Variants in GZF1 observed in about 807,000 individuals in gnomAD.
GZF1 encodes the protein GDNF-inducible zinc finger protein 1.
Under a neutral mutation model 49.4 loss-of-function variants are expected in GZF1, and 28 were observed. That is an observed-to-expected ratio of 0.57 (90% CI 0.42 to 0.78). The LOEUF (loss-of-function observed/expected upper bound fraction) is 0.78, where lower values mean the gene tolerates loss of function less well. Among genes scored for constraint, GZF1 ranks in the 30% least tolerant of loss-of-function variants. The pLI, the probability that GZF1 is intolerant of heterozygous loss-of-function variation, is 0.00. For missense variants in GZF1, 798 were observed against 916.2 expected, an observed-to-expected ratio of 0.87 and a Z score of 1.67; for synonymous variants, 364 against 356.0, an observed-to-expected ratio of 1.02 and a Z score of -0.25.
intron 1 of GZF1, 131 bp from the exon 2 acceptor site, chr20:23,364,232 C>A (rs187795545): frequency 1.9e-6 from 1 of 535,338 alleles, no homozygotes; most frequent in Non-Finnish European, 3.2e-6. Context: ...AAATGTCATT[C>A]GAATCTTTAC....
chr20:23,362,131 C>T (rs1037602808), upstream of GZF1: 1 of 152,138 alleles, frequency 6.6e-6, no homozygotes, highest in Non-Finnish European at 1.5e-5. Context: ...CTGCAGCGAC[C>T]AATCGGCGGT....
intron 1 of GZF1, among the ~76,000 whole-genome samples, chr20:23,363,699 C>T (rs1980958195): frequency 6.6e-6 from 1 of 152,226 alleles, no homozygotes; most frequent in East Asian, 1.9e-4. Flanking sequence ...GCCGGTCAGC[C>T]TTCTTCAGAG....
At chr20:23,362,038 C>G (rs571817547), upstream of GZF1, 1 of 152,228 alleles carries the variant, frequency 6.6e-6, no homozygotes, top group Non-Finnish European at 1.5e-5. Context: ...GGTAACTGCC[C>G]GAACCGCTCC....
rs1981831333 is a variant in GZF1, at chr20:23,369,640, C to T, written c.1684C>T (p.Leu562Phe). Residue 562 changes from leucine to phenylalanine, a missense_variant, in exon 5 of 6, where the codon CTC (leucine) becomes TTC (phenylalanine). Coordinates refer to ENST00000338121, the MANE Select transcript of GZF1 (RefSeq NM_022482.5). ...CAAGCAGTTCACCCAGCTCAACGCC[C>T]TCCAGCGCCACCGCCGCATCCACAC... is the stretch of plus-strand genomic sequence containing the variant. Reference protein sequence around the residue: ...CGKQFTQLNALQRHRRIHTGE... With the variant: ...CGKQFTQLNAFQRHRRIHTGE... 2 of 1,613,140 alleles carry T rather than the reference C, an allele frequency of 1.2e-6. No individual in the cohort carries two copies. Among genetic ancestry groups the T allele is most frequent in the Non-Finnish European group, 1.7e-6 (2 of 1,179,720 alleles).
At position 23,364,531 on chromosome 20, in the gene GZF1, A is replaced by G; in HGVS notation, c.148A>G (p.Lys50Glu). The change falls in exon 2 of 6, where the codon AAG becomes GAG. Residue 50 changes from lysine (K) to glutamate (E), a missense_variant. By Grantham distance (56) the Lys-to-Glu change is moderately conservative. Coordinates refer to ENST00000338121, the MANE Select transcript of GZF1 (RefSeq NM_022482.5). The stretch of plus-strand genomic sequence containing the variant: ...TGTCCGCAAAGACTTCATGGCCCAC[A>G]AGGCAGTGCTGGCTGCCACCAGCAA... ...QGVRKDFMAH[K>E]AVLAATSKFF... 6.2e-7 allele frequency: 1 copy of G among 1,614,240 alleles called. No individual in the cohort carries two copies. The highest frequency in any genetic ancestry group is 8.5e-7 in the Non-Finnish European group (1 of 1,180,046).
upstream of GZF1, among the ~76,000 whole-genome samples, chr20:23,361,976 A>G (rs1980702153): frequency 6.6e-6 from 1 of 152,096 alleles, no homozygotes; most frequent in African/African-American, 2.4e-5. Flanking sequence ...GGGTGACGCA[A>G]TGCGGCGGGT....
At chr20:23,369,048 T>TTGTA in intron 4 of GZF1, 119 bp downstream of exon 4, 1 of 787,956 alleles carries the variant, frequency 1.3e-6, no homozygotes, top group Non-Finnish European at 2.0e-6. Context: ...TGGCCAAACT[T>TTGTA]TGTATGTCAT....
At chr20:23,361,941 G>A (rs1226043482), upstream of GZF1, among the ~76,000 whole-genome samples, 2 of 152,180 alleles carry the variant, frequency 1.3e-5, no homozygotes, top group Non-Finnish European at 2.9e-5. Context: ...TGTCTCCTGC[G>A]CAGGCGCAGG....
At position 23,364,377 on chromosome 20, in the gene GZF1, A is replaced by G; in HGVS notation, c.-7A>G. On this transcript the variant is annotated 5_prime_UTR_variant, in exon 2 of 6. Transcript: ENST00000338121. Reference sequence around the variant, plus strand: ...CTTTTTCAAAGCTGTTTTTGGAAGGAAGAAAGATGGAAAGCGGTGCAGTTC... The same window carrying G: ...CTTTTTCAAAGCTGTTTTTGGAAGGGAGAAAGATGGAAAGCGGTGCAGTTC... 2 of 1,546,990 alleles carry G rather than the reference A, an allele frequency of 1.3e-6. No individual in the cohort carries two copies. The highest frequency in any genetic ancestry group is 1.7e-6 in the Non-Finnish European group (2 of 1,144,910).
Position 23,364,936 on chromosome 20 carries a change from G to A in GZF1, c.553G>A (p.Gly185Arg). Residue 185 changes from glycine to arginine, a missense_variant, in exon 2 of 6, where the codon GGA (glycine) becomes AGA (arginine). By Grantham distance (125) the Gly-to-Arg change is moderately radical. Transcript: ENST00000338121. ...SGLTDSLDYPGERASNGMSSD... is the reference protein window; with the variant it reads ...SGLTDSLDYPRERASNGMSSD... ...TCTCACGGATTCCTTGGACTACCCA[G>A]GAGAGAGAGCCAGCAATGGCATGTC... is the stretch of plus-strand genomic sequence containing the variant. 1 of 1,614,230 alleles carries A rather than the reference G, an allele frequency of 6.2e-7. No homozygotes were observed. Among genetic ancestry groups the A allele is most frequent in the Non-Finnish European group, 8.5e-7 (1 of 1,180,044 alleles).
chr20:23,372,529 T>C lies in GZF1; in HGVS notation c.*2088T>C, dbSNP rs1284236086. 1 of 152,202 alleles carries C rather than the reference T, an allele frequency of 6.6e-6. No individual in the cohort carries two copies. The highest frequency in any genetic ancestry group is 1.5e-5 in the Non-Finnish European group (1 of 68,032). 9.4% of individuals were successfully genotyped at this position (152,202 alleles called of 1,614,324 possible). A position where few individuals can be genotyped will look rare whatever the true frequency, so the allele number is the denominator to read the frequency against. On this transcript the variant is annotated 3_prime_UTR_variant, in exon 6 of 6. Transcript: ENST00000338121. ...GAAGTGCGGTTGAGCTCTCTGCCAC[T>C]TTCTTCAATGTAAAAAGTAGGCATC...
chr20:23,361,602 A>C (rs2405231), upstream of GZF1, among the ~76,000 whole-genome samples: 68,686 of 151,990 alleles, frequency 0.45, 15,779 homozygotes, highest in East Asian at 0.7. Context: ...CGCCGCGCCG[A>C]GCCCCGCCTG....
At chr20:23,363,866 G>A (rs1980980145) in intron 1 of GZF1, among the ~76,000 whole-genome samples, 1 of 152,240 alleles carries the variant, frequency 6.6e-6, no homozygotes, top group South Asian at 2.1e-4. Flanking sequence ...TTTCCAAGAA[G>A]TTTTCCTCAT....
chr20:23,363,463 G>A (rs1980932568), intron 1 of GZF1: 1 of 152,348 alleles, frequency 6.6e-6, no homozygotes, highest in South Asian at 2.1e-4. Flanking sequence ...AAAGATTTAG[G>A]GGCTAAAGAT....
chr20:23,368,988 G>T, intron 4 of GZF1, 59 bp downstream of exon 4: 1 of 1,443,500 alleles, frequency 6.9e-7, no homozygotes, highest in Non-Finnish European at 9.4e-7. Context: ...AAATTCTAAA[G>T]CTTGTAGATT....
intron 1 of GZF1, chr20:23,362,771 C>T (rs1209356562): frequency 1.3e-5 from 2 of 152,260 alleles, no homozygotes; most frequent in African/African-American, 4.8e-5. Flanking sequence ...GCCCTGTCGC[C>T]ACCTCCAGTG....
At chr20:23,365,780 G>A (rs775528890) in intron 2 of GZF1, 33 bp downstream of exon 2, 2 of 1,479,810 alleles carry the variant, frequency 1.4e-6, no homozygotes, top group African/African-American at 1.4e-5. Flanking sequence ...GGGTCCCTGC[G>A]CACTGGAAGG....
rs527554079 is a variant in GZF1, at chr20:23,371,732, C to A, written c.*1291C>A. On this transcript the variant is annotated 3_prime_UTR_variant, in exon 6 of 6. Transcript: ENST00000338121. ...TTTAAACATTAATTTAAAAAGGGAA[C>A]CTTGGAGAATTCTTTTGTTCACTAG... is the stretch of plus-strand genomic sequence containing the variant. The A allele has an allele frequency of 2.0e-4, 31 of 152,198 alleles. No individual in the cohort carries two copies. Among genetic ancestry groups the A allele is most frequent in the Non-Finnish European group, 3.7e-4 (25 of 68,028 alleles). The allele number at this position is 152,198 out of a possible 1,614,324, so 9.4% of individuals were successfully genotyped here.
chr20:23,364,665 C>T lies in GZF1; in HGVS notation c.282C>T (p.Val94=), dbSNP rs767776459. The part of the protein sequence containing the change: ...VADFASFLEF[V]YTAKVQVEED... ...ACTTTGCTTCATTTCTTGAGTTTGT[C>T]TACACTGCAAAGGTACAGGTGGAAG... The change falls in exon 2 of 6, where the codon GTC becomes GTT. Residue 94 remains valine (V), a synonymous_variant. Transcript: ENST00000338121. The T allele has an allele frequency of 7.4e-6, 12 of 1,614,128 alleles. No homozygotes were observed. The highest frequency in any genetic ancestry group is 1.3e-5 in the African/African-American group (1 of 74,952).
Sources: gnomAD v4.1 joint callset for allele counts (sites outside exome capture counted in the v4.1 genomes callset) on GRCh38, gnomAD v4.1.1 for gene constraint, MANE v1.5 for transcripts, NCBI Gene and HGNC (gene_info 2026-07-23, HGNC 2026-07-21) for gene names.